Variants in ADK observed in about 807,000 individuals in gnomAD.
The protein encoded by ADK is N6,N6-dimethyladenosine kinase.
In ADK, 24 loss-of-function variants were observed where a neutral mutation model predicts 44.7. The ratio of observed to expected loss-of-function variants is 0.54; its 90% confidence interval spans 0.39 to 0.76. The LOEUF (loss-of-function observed/expected upper bound fraction) is 0.76. Among genes scored for constraint, ADK ranks in the 30% least tolerant of loss-of-function variants. The probability of loss-of-function intolerance (pLI) is 0.00; values close to 1 mark genes in which losing one functional copy is unlikely to be tolerated. For missense variants in ADK, 321 were observed against 425.1 expected, an observed-to-expected ratio of 0.76 and a Z score of 2.15; for synonymous variants, 128 against 142.6, an observed-to-expected ratio of 0.90 and a Z score of 0.73.
At chr10:74,181,882 C>T (rs1842571077) in intron 1 of ADK, among the ~76,000 whole-genome samples, 1 of 152,150 alleles carries the variant, frequency 6.6e-6, no homozygotes, top group Non-Finnish European at 1.5e-5. Context: ...TGTTGTAGAG[C>T]TAATGAGCCC....
intron 1 of ADK, among the ~76,000 whole-genome samples, chr10:74,169,922 A>G (rs1394181506): frequency 6.6e-6 from 1 of 152,236 alleles, no homozygotes; most frequent in East Asian, 1.9e-4. Context: ...TGTGTTTCAG[A>G]AAAGGAAACT....
At chr10:74,684,885 CTTATTT>C (rs1855735608) in intron 10 of ADK, among the ~76,000 whole-genome samples, 1 of 152,168 alleles carries the variant, frequency 6.6e-6, no homozygotes, top group Non-Finnish European at 1.5e-5. Flanking sequence ...CAATGCCACC[CTTATTT>C]TTAAATACCT....
intron 6 of ADK, among the ~76,000 whole-genome samples, chr10:74,507,766 A>G (rs1228382615): frequency 1.3e-5 from 2 of 152,220 alleles, no homozygotes; most frequent in Admixed American, 1.3e-4. Flanking sequence ...CTTTAAGGTT[A>G]TGGTCAGGTC....
intron 9 of ADK, among the ~76,000 whole-genome samples, chr10:74,614,517 T>C (rs746351760): frequency 7.9e-5 from 12 of 152,128 alleles, no homozygotes; most frequent in Non-Finnish European, 1.5e-4. Context: ...ACAATACTTA[T>C]AGCACTTAAG....
At chr10:74,356,002 A>ATTTTTTTTTTT (rs34454856) in intron 4 of ADK, among the ~76,000 whole-genome samples, 1 of 83,310 alleles carries the variant, frequency 1.2e-5, no homozygotes, top group African/African-American at 5.1e-5. Context: ...TAAATAATTC[A>ATTTTTTTTTTT]TTTTTTTTTT....
At chr10:74,283,440 G>T (rs1158590789) in intron 3 of ADK, among the ~76,000 whole-genome samples, 1 of 149,558 alleles carries the variant, frequency 6.7e-6, no homozygotes, top group African/African-American at 2.5e-5. Flanking sequence ...TTTTGACCTT[G>T]CTGGTTTCTA....
At chr10:74,229,532 G>A (rs1370988832) in intron 3 of ADK, among the ~76,000 whole-genome samples, 1 of 151,646 alleles carries the variant, frequency 6.6e-6, no homozygotes, top group Non-Finnish European at 1.5e-5. Flanking sequence ...AGAGTAGCTG[G>A]GACTACAGGC....
At chr10:74,494,951 G>A (rs1334237867) in intron 6 of ADK, among the ~76,000 whole-genome samples, 1 of 152,142 alleles carries the variant, frequency 6.6e-6, no homozygotes, top group African/African-American at 2.4e-5. Flanking sequence ...TAATATATGG[G>A]CTCCATGTGG....
At chr10:74,232,546 GCAC>G (rs1251361548) in intron 3 of ADK, among the ~76,000 whole-genome samples, 1 of 20,036 alleles carries the variant, frequency 5.0e-5, no homozygotes, top group South Asian at 1.8e-3. Flanking sequence ...CAACCCCCCC[GCAC>G]CCCCCCCCCC....
At chr10:74,493,351 A>ATG (rs147575422) in intron 6 of ADK, among the ~76,000 whole-genome samples, 71 of 150,094 alleles carry the variant, frequency 4.7e-4, no homozygotes, top group South Asian at 1.1e-3. Flanking sequence ...CCCAGCATGT[A>ATG]TGTGTGTGTG....
intron 6 of ADK, among the ~76,000 whole-genome samples, chr10:74,436,366 C>T (rs147951219): frequency 2.6e-5 from 4 of 152,082 alleles, no homozygotes; most frequent in African/African-American, 9.6e-5. Flanking sequence ...AAGATCATGC[C>T]ACTACGCTCC....
At chr10:74,412,631 G>A (rs972298793) in intron 6 of ADK, among the ~76,000 whole-genome samples, 4 of 152,160 alleles carry the variant, frequency 2.6e-5, no homozygotes, top group African/African-American at 4.8e-5. Context: ...TTTAGCAGCC[G>A]TGAAAACAAC....
intron 2 of ADK, among the ~76,000 whole-genome samples, chr10:74,208,615 C>G (rs2132181042): frequency 6.6e-6 from 1 of 152,154 alleles, no homozygotes; most frequent in Middle Eastern, 3.4e-3. Flanking sequence ...CTATTTCTTC[C>G]AAATATATTT....
At chr10:74,458,207 C>T (rs1363942028) in intron 6 of ADK, among the ~76,000 whole-genome samples, 1 of 132,308 alleles carries the variant, frequency 7.6e-6, no homozygotes, top group Non-Finnish European at 1.5e-5. Context: ...TCACCGCTCA[C>T]TGTGGCCTCA....
At chr10:74,665,061 A>T (rs1250140832) in intron 9 of ADK, among the ~76,000 whole-genome samples, 1 of 152,204 alleles carries the variant, frequency 6.6e-6, no homozygotes, top group African/African-American at 2.4e-5. Context: ...CATAATATAT[A>T]CCACAAATGC....
intron 5 of ADK, among the ~76,000 whole-genome samples, chr10:74,395,071 A>G (rs1425831480): frequency 6.6e-6 from 1 of 152,178 alleles, no homozygotes; most frequent in East Asian, 1.9e-4. Flanking sequence ...GAAAAACAAA[A>G]TAACTGCCCT....
At chr10:74,172,196 C>T (rs116723257) in intron 1 of ADK, among the ~76,000 whole-genome samples, 10,619 of 145,138 alleles carry the variant, frequency 0.073, 1,304 homozygotes, top group African/African-American at 0.26. Context: ...TAGATTGCAG[C>T]GGCGCAAACA....
At chr10:74,176,344 C>G in intron 1 of ADK, 1 of 594,268 alleles carries the variant, frequency 1.7e-6, no homozygotes, top group Non-Finnish European at 2.1e-6. Context: ...TTCCCCCCAC[C>G]TTTGCAGATG....
chr10:74,346,852 A>T (rs1366474178), intron 4 of ADK, among the ~76,000 whole-genome samples: 3 of 152,110 alleles, frequency 2.0e-5, no homozygotes, highest in Non-Finnish European at 2.9e-5. Flanking sequence ...CTGAGCCTGT[A>T]ATTCCAGCAG....
Sources: gnomAD v4.1 joint callset for allele counts (sites outside exome capture counted in the v4.1 genomes callset) on GRCh38, gnomAD v4.1.1 for gene constraint, MANE v1.5 for transcripts, NCBI Gene and HGNC (gene_info 2026-07-23, HGNC 2026-07-21) for gene names.